Variants in ZNF736 observed in about 807,000 individuals in gnomAD.
ZNF736 encodes KRAB-containing zinc-finger repressor protein.
A neutral mutation model predicts 11.7 loss-of-function variants in ZNF736; 6 were observed. The observed-to-expected ratio is 0.51, with a 90% CI of 0.28 to 1.01. The LOEUF is 1.01. Ranked by LOEUF, ZNF736 falls within the 50% of genes least tolerant of loss-of-function variation. The pLI, the probability that ZNF736 is intolerant of heterozygous loss-of-function variation, is 0.09. For missense variants in ZNF736, 444 were observed against 496.0 expected (o/e 0.90, Z 1.00); for synonymous variants, 139 against 164.7 (o/e 0.84, Z 1.19).
rs188732418 is a variant in ZNF736, at chr7:64,348,583, C to T, written c.720C>T (p.Cys240=). The change falls in exon 4 of 4, where the codon TGC becomes TGT. Residue 240 remains cysteine (C), a synonymous_variant. Transcript: ENST00000423484. ...KCEGCGKTFT[C]SSTLVKHKRN... The stretch of plus-strand genomic sequence containing the variant: ...AAGGATGTGGCAAAACTTTTACCTG[C>T]TCCTCAACCCTTGTTAAACACAAGA... 6 of 1,590,986 alleles carry T rather than the reference C, an allele frequency of 3.8e-6. No individual in the cohort carries two copies. In the East Asian group the frequency reaches 9.2e-5, roughly 24 times the overall value.
At chr7:64,332,034 C>T (rs1789176645) in intron 1 of ZNF736, among the ~76,000 whole-genome samples, 1 of 152,028 alleles carries the variant, frequency 6.6e-6, no homozygotes, top group Non-Finnish European at 1.5e-5. Flanking sequence ...GCTTCAAAGG[C>T]ATATTCTCAA....
At chr7:64,322,778 T>C (rs1324129995) in intron 1 of ZNF736, among the ~76,000 whole-genome samples, 1 of 152,172 alleles carries the variant, frequency 6.6e-6, no homozygotes, top group Non-Finnish European at 1.5e-5. Flanking sequence ...ATTAAAATAT[T>C]TATTAGTGTA....
At chr7:64,319,748 G>A (rs1206707092) in intron 1 of ZNF736, among the ~76,000 whole-genome samples, 1 of 151,746 alleles carries the variant, frequency 6.6e-6, no homozygotes, top group Admixed American at 6.6e-5. Flanking sequence ...GCCTGCCTCG[G>A]CCTCCCAAGT....
intron 3 of ZNF736, among the ~76,000 whole-genome samples, chr7:64,340,597 G>A (rs1180790775): frequency 6.6e-6 from 1 of 152,130 alleles, no homozygotes; most frequent in Non-Finnish European, 1.5e-5. Context: ...CTTTGAGAAG[G>A]AGTCTCACTA....
rs562955563 is a variant in ZNF736, at chr7:64,344,371, A to G, written c.227-3719A>G. Among the ~76,000 whole-genome samples, 45 of 152,346 alleles carry G rather than the reference A, an allele frequency of 3.0e-4. 1 individual carries two copies. Among genetic ancestry groups the G allele is most frequent in the African/African-American group, 1.0e-3 (42 of 41,592 alleles). On this transcript the variant is annotated intron_variant, in intron 3 of 3. Transcript: ENST00000423484. Reference sequence around the variant, plus strand: ...TATATAGTTCAGCTTTGTTAAGTATATTGACATTTTTAGCAACATATCTTT... The same window carrying G: ...TATATAGTTCAGCTTTGTTAAGTATGTTGACATTTTTAGCAACATATCTTT...
chr7:64,337,491 A>G (rs770603821), intron 3 of ZNF736: 3 of 154,084 alleles, frequency 1.9e-5, no homozygotes, highest in Non-Finnish European at 2.9e-5. Flanking sequence ...TGGAACCTTC[A>G]AACGTGATTT....
At position 64,314,014 on chromosome 7, in the gene ZNF736, C is replaced by G; in HGVS notation, c.-137C>G. On this transcript the variant is annotated 5_prime_UTR_variant, in exon 1 of 4. Transcript: ENST00000423484. ...GTCTCCTAGCTTCCGGGCTCTGATC[C>G]TAGTTCGCGTCTCCACTGTTCCATC... 10 of 1,231,290 alleles carry G rather than the reference C, an allele frequency of 8.1e-6. No homozygotes were observed. The highest frequency in any genetic ancestry group is 1.0e-5 in the Non-Finnish European group (9 of 863,804). 76.3% of individuals were successfully genotyped at this position (1,231,290 alleles called of 1,614,324 possible). A position where few individuals can be genotyped will look rare whatever the true frequency, so the allele number is the denominator to read the frequency against.
rs1789556411 is a variant in ZNF736, at chr7:64,356,599, C to A, written c.*7452C>A. 6.6e-6 allele frequency among the ~76,000 whole-genome samples: 1 copy of A among 151,594 alleles called. No individual in the cohort carries two copies. Among genetic ancestry groups the A allele is most frequent in the Non-Finnish European group, 1.5e-5 (1 of 67,932 alleles). On this transcript the variant is annotated 3_prime_UTR_variant, in exon 4 of 4. Coordinates refer to ENST00000423484, the MANE Select transcript of ZNF736 (RefSeq NM_001170905.3). ...TAAATTATTTACTTATTTAAGAAAT[C>A]TAATTACATTTTAAATAAATTGCTG...
At chr7:64,314,774 A>G (rs1274339880) in intron 1 of ZNF736, among the ~76,000 whole-genome samples, 1 of 152,102 alleles carries the variant, frequency 6.6e-6, no homozygotes, top group Non-Finnish European at 1.5e-5. Flanking sequence ...CATGTTGCTC[A>G]GGCTGGTCTC....
chr7:64,323,206 G>A (rs562934093), intron 1 of ZNF736, among the ~76,000 whole-genome samples: 7 of 152,086 alleles, frequency 4.6e-5, no homozygotes, highest in Non-Finnish European at 1.0e-4. Flanking sequence ...GAAATCTCTT[G>A]TATCTTTACC....
In ZNF736 at chr7:64,348,728, G is replaced by T; in HGVS notation, c.865G>T (p.Glu289Ter). The change falls in exon 4 of 4, where the codon GAA (glutamate) becomes TAA (stop). Residue 289 changes from glutamate (E) to a stop codon, truncating the protein, a stop_gained. Transcript: ENST00000423484. LOFTEE classifies it low-confidence loss of function (END_TRUNC). ...TGGAGAGAAACCCTACAAATGTGAA[G>T]AATGTAACAAAGCCTATAGGTGGTT... The part of the protein sequence containing the change: ...HTGEKPYKCE[E>*]CNKAYRWFSD... 1 of 1,606,438 alleles carries T rather than the reference G, an allele frequency of 6.2e-7. No individual in the cohort carries two copies. The highest frequency in any genetic ancestry group is 1.3e-5 in the African/African-American group (1 of 74,736).
chr7:64,342,078 C>T lies in ZNF736; in HGVS notation c.226+5096C>T, dbSNP rs138213060. On this transcript the variant is annotated intron_variant, in intron 3 of 3. Transcript: ENST00000423484. ...TATCCATTTAATCTGCTGGTGCATT[C>T]ACAGTGAGAGACAACTCCTTTTTAT... 9.9e-5 allele frequency among the ~76,000 whole-genome samples: 15 copies of T among 152,252 alleles called. No homozygotes were observed. In the East Asian group the frequency reaches 1.9e-3, roughly 20 times the overall value.
intron 1 of ZNF736, among the ~76,000 whole-genome samples, chr7:64,331,488 C>A (rs1202140819): frequency 2.6e-5 from 4 of 152,190 alleles, no homozygotes; most frequent in African/African-American, 9.7e-5. Flanking sequence ...TTCACTGCCT[C>A]TTTGATTTGA....
chr7:64,323,604 G>A (rs1789032307), intron 1 of ZNF736, among the ~76,000 whole-genome samples: 1 of 152,140 alleles, frequency 6.6e-6, no homozygotes, highest in Admixed American at 6.5e-5. Flanking sequence ...GGATGGAGCT[G>A]GAAGCCGCTA....
chr7:64,343,953 C>CT lies in ZNF736; in HGVS notation c.227-4124dup, dbSNP rs142010013. ...CCCTATTTTATGACTTGTATATTTG[C>CT]TTTTTTTTTTTTTATTTTTTTGTTA... is the stretch of plus-strand genomic sequence containing the variant. On this transcript the variant is annotated intron_variant, in intron 3 of 3. Transcript: ENST00000423484. Among the ~76,000 whole-genome samples, 366 of 148,014 alleles carry CT rather than the reference C, an allele frequency of 2.5e-3. 3 individuals carry two copies. The highest frequency in any genetic ancestry group is 6.8e-3 in the South Asian group (32 of 4,726).
At chr7:64,337,941 G>A (rs1352854307) in intron 3 of ZNF736, among the ~76,000 whole-genome samples, 1 of 151,900 alleles carries the variant, frequency 6.6e-6, no homozygotes, top group Non-Finnish European at 1.5e-5. Flanking sequence ...TTTTAGTAGA[G>A]ACAGGGTTTC....
In ZNF736 at chr7:64,354,741, T is replaced by C. The variant is rs1268474509; in HGVS notation, c.*5594T>C. On this transcript the variant is annotated 3_prime_UTR_variant, in exon 4 of 4. Coordinates refer to ENST00000423484, the MANE Select transcript of ZNF736 (RefSeq NM_001170905.3). ...GTATTGTATGTTATTTAGTGTATTTTATATTTTGTTTCAATTAGAGAATGC... is the reference window on the plus strand; with the variant it reads ...GTATTGTATGTTATTTAGTGTATTTCATATTTTGTTTCAATTAGAGAATGC... 1 of 152,236 alleles carries C rather than the reference T, an allele frequency of 6.6e-6. No individual in the cohort carries two copies. Among genetic ancestry groups the C allele is most frequent in the Non-Finnish European group, 1.5e-5 (1 of 68,034 alleles). 9.4% of individuals were successfully genotyped at this position (152,236 alleles called of 1,614,324 possible). A position where few individuals can be genotyped will look rare whatever the true frequency, so the allele number is the denominator to read the frequency against.
intron 1 of ZNF736, among the ~76,000 whole-genome samples, chr7:64,321,377 G>A (rs944376918): frequency 2.0e-5 from 3 of 152,116 alleles, no homozygotes; most frequent in African/African-American, 7.2e-5. Flanking sequence ...GTCCCAAAAA[G>A]TCAAGTTCAA....
At chr7:64,341,728 T>C (rs1789341065) in intron 3 of ZNF736, among the ~76,000 whole-genome samples, 1 of 152,200 alleles carries the variant, frequency 6.6e-6, no homozygotes, top group South Asian at 2.1e-4. Flanking sequence ...GGGAGTTGAT[T>C]GTGTTTTACT....
Sources: allele counts gnomAD v4.1 joint callset (sites outside exome capture counted in the v4.1 genomes callset), GRCh38; gene constraint gnomAD v4.1.1; transcripts MANE v1.5; gene names NCBI Gene and HGNC (gene_info 2026-07-23, HGNC 2026-07-21).